Variants in FRMD4A observed in about 807,000 individuals in gnomAD.
The protein encoded by FRMD4A is FERM domain containing 4A.
FRMD4A carries 29 observed loss-of-function variants against 129.1 expected under a neutral mutation model. That is an observed-to-expected ratio of 0.22 (90% CI 0.17 to 0.31). FRMD4A has a LOEUF of 0.31. FRMD4A is among the 10% of genes least tolerant of loss of function. The probability of loss-of-function intolerance (pLI) is 1.00; values close to 1 mark genes in which losing one functional copy is unlikely to be tolerated. For synonymous variants in FRMD4A, 634 were observed against 571.6 expected (o/e 1.11, Z -1.56); for missense variants, 1,272 against 1,375.8 (o/e 0.92, Z 1.19).
intron 2 of FRMD4A, among the ~76,000 whole-genome samples, chr10:13,963,930 T>G (rs2095464899): frequency 1.3e-5 from 2 of 152,142 alleles, no homozygotes; most frequent in African/African-American, 4.8e-5. Context: ...GGATGTTCAT[T>G]CTAGCCACTG....
intron 15 of FRMD4A, among the ~76,000 whole-genome samples, chr10:13,688,905 A>G (rs1589384333): frequency 6.6e-6 from 1 of 151,794 alleles, no homozygotes; most frequent in Non-Finnish European, 1.5e-5. Context: ...TTTGGTAGAG[A>G]CCGGATTTCA....
chr10:14,138,920 C>T (rs1839690998), intron 2 of FRMD4A, among the ~76,000 whole-genome samples: 2 of 152,128 alleles, frequency 1.3e-5, no homozygotes, highest in South Asian at 4.1e-4. Flanking sequence ...TCCTTGAGCC[C>T]TGTGAGTGTC....
chr10:13,974,836 C>T lies in FRMD4A; in HGVS notation c.46-115924G>A, dbSNP rs1428769617. 2.6e-5 allele frequency among the ~76,000 whole-genome samples: 4 copies of T among 152,324 alleles called. No homozygotes were observed. In the East Asian group the frequency reaches 7.7e-4, roughly 29 times the overall value. ...GCCACTGCACCTGGCTCTGCCCTAG[C>T]CTTTAAATCGCTAATTCAGAGTTTC... On this transcript the variant is annotated intron_variant, in intron 2 of 24. Transcript: ENST00000357447.
At chr10:13,996,552 T>C (rs1423359490) in intron 2 of FRMD4A, among the ~76,000 whole-genome samples, 4 of 152,184 alleles carry the variant, frequency 2.6e-5, no homozygotes, top group African/African-American at 9.7e-5. Flanking sequence ...TGGTATGAAT[T>C]TCATGTGTCA....
At chr10:13,804,405 T>C (rs2093319860) in intron 4 of FRMD4A, among the ~76,000 whole-genome samples, 1 of 152,234 alleles carries the variant, frequency 6.6e-6, no homozygotes, top group Admixed American at 6.5e-5. Flanking sequence ...CCCCAGCTGA[T>C]GCCAGTCACA....
Position 14,044,808 on chromosome 10 carries a change from A to G in FRMD4A, c.46-185896T>C, listed in dbSNP as rs185064901. 1.7e-4 allele frequency among the ~76,000 whole-genome samples: 26 copies of G among 152,330 alleles called. No homozygotes were observed. In the East Asian group the frequency reaches 4.8e-3, roughly 28 times the overall value. ...CAGCTACCACCATAACCTTCATAGA[A>G]CATTGTTTTCAACCACAACACTGCT... On this transcript the variant is annotated intron_variant, in intron 2 of 24. Coordinates refer to ENST00000357447, the MANE Select transcript of FRMD4A (RefSeq NM_018027.5).
intron 2 of FRMD4A, among the ~76,000 whole-genome samples, chr10:14,247,318 T>C (rs967939362): frequency 3.3e-5 from 5 of 152,178 alleles, no homozygotes; most frequent in African/African-American, 4.8e-5. Flanking sequence ...TAAAGCACTG[T>C]GCCTGAGGAA....
rs369798483 is a variant in FRMD4A, at chr10:13,740,823, G to GTTTTTTTTTTTTTTTTTTTTTTTTTTTTT, written c.549-247_549-246insAAAAAAAAAAAAAAAAAAAAAAAAAAAAA. Among the ~76,000 whole-genome samples the GTTTTTTTTTTTTTTTTTTTTTTTTTTTTT allele has an allele frequency of 4.8e-5, 5 of 105,108 alleles. 2 individuals are homozygous for GTTTTTTTTTTTTTTTTTTTTTTTTTTTTT. Among genetic ancestry groups the GTTTTTTTTTTTTTTTTTTTTTTTTTTTTT allele is most frequent in the Non-Finnish European group, 5.4e-5 (3 of 55,062 alleles). The allele number at this position is 105,108 out of a possible 152,430, so 69.0% of individuals were successfully genotyped here. A position where few individuals can be genotyped will look rare whatever the true frequency, so the allele number is the denominator to read the frequency against. On this transcript the variant is annotated intron_variant, in intron 9 of 24. Coordinates refer to ENST00000357447, the MANE Select transcript of FRMD4A (RefSeq NM_018027.5). The stretch of plus-strand genomic sequence containing the variant: ...GACTTGCATTCTCTTTGTCTTGGAT[G>GTTTTTTTTTTTTTTTTTTTTTTTTTTTTT]TTTGTTTTTTTTTTTTTTTTTGAGA...
At chr10:14,124,899 G>A (rs916673110) in intron 2 of FRMD4A, among the ~76,000 whole-genome samples, 6 of 152,078 alleles carry the variant, frequency 3.9e-5, no homozygotes, top group African/African-American at 7.2e-5. Flanking sequence ...CCCTTCCTTG[G>A]TGACCCATGA....
chr10:13,806,202 G>A (rs929362005), intron 4 of FRMD4A, among the ~76,000 whole-genome samples: 3 of 151,758 alleles, frequency 2.0e-5, no homozygotes, highest in Non-Finnish European at 2.9e-5. Flanking sequence ...GCCCAGGCTC[G>A]TCTTGAACTC....
intron 2 of FRMD4A, among the ~76,000 whole-genome samples, chr10:14,117,028 T>A (rs142760201): frequency 9.8e-4 from 150 of 152,350 alleles, no homozygotes; most frequent in African/African-American, 3.5e-3. Context: ...TTGAAATGCA[T>A]CTCTGTGCTT....
intron 14 of FRMD4A, among the ~76,000 whole-genome samples, chr10:13,695,917 C>T (rs1280318636): frequency 6.6e-6 from 1 of 152,236 alleles, no homozygotes; most frequent in Non-Finnish European, 1.5e-5. Flanking sequence ...ACGTTGCTGT[C>T]CACACTGGCA....
chr10:14,328,762 C>G (rs1205311378), intron 2 of FRMD4A, among the ~76,000 whole-genome samples: 1 of 151,856 alleles, frequency 6.6e-6, no homozygotes, highest in Non-Finnish European at 1.5e-5. Flanking sequence ...GCCATCATCA[C>G]GAATACTCAG....
chr10:13,954,621 A>T (rs1174947821), intron 2 of FRMD4A, among the ~76,000 whole-genome samples: 1 of 152,082 alleles, frequency 6.6e-6, no homozygotes, highest in East Asian at 1.9e-4. Flanking sequence ...GAGAGGAGAA[A>T]TTCCCCTTCC....
At chr10:13,654,584 G>A in intron 22 of FRMD4A, 72 bp from the exon 23 acceptor site, 2 of 946,328 alleles carry the variant, frequency 2.1e-6, no homozygotes, top group Non-Finnish European at 3.4e-6. Context: ...CTTGCGACTT[G>A]TTGGCTGACA....
rs2091510466 is a variant in FRMD4A, at chr10:13,750,081, A to AAAGAAATG, written c.465-2263_465-2262insCATTTCTT. Among the ~76,000 whole-genome samples the AAAGAAATG allele has an allele frequency of 3.9e-3, 295 of 76,068 alleles. 3 individuals carry two copies. The highest frequency in any genetic ancestry group is 0.011 in the African/African-American group (248 of 22,046). 49.9% of individuals were successfully genotyped at this position (76,068 alleles called of 152,430 possible). On this transcript the variant is annotated intron_variant, in intron 8 of 24. Coordinates refer to ENST00000357447, the MANE Select transcript of FRMD4A (RefSeq NM_018027.5). ...GGAAGGAAGGAAGGAAGAAAGAAAG[A>AAAGAAATG]AAGAAAGAAAGAAAGAAAGAAAGAA...
chr10:14,076,938 G>GT (rs1835645776), intron 2 of FRMD4A, among the ~76,000 whole-genome samples: 1 of 152,222 alleles, frequency 6.6e-6, no homozygotes, highest in African/African-American at 2.4e-5. Context: ...GAGATACAGA[G>GT]GTGAAGAGGG....
intron 2 of FRMD4A, among the ~76,000 whole-genome samples, chr10:14,295,467 G>C (rs960610883): frequency 1.2e-4 from 18 of 152,166 alleles, no homozygotes; most frequent in African/African-American, 4.3e-4. Context: ...CATTTCTTGA[G>C]CTTTCCATTT....
chr10:13,932,013 T>C (rs1222921678), intron 2 of FRMD4A, among the ~76,000 whole-genome samples: 1 of 151,986 alleles, frequency 6.6e-6, no homozygotes, highest in African/African-American at 2.4e-5. Context: ...ACACAATTAA[T>C]TAGAAACATA....
Sources: gnomAD v4.1 joint callset for allele counts (sites outside exome capture counted in the v4.1 genomes callset) on GRCh38, gnomAD v4.1.1 for gene constraint, MANE v1.5 for transcripts, NCBI Gene and HGNC (gene_info 2026-07-23, HGNC 2026-07-21) for gene names.